The following MEGF10 variants were observed in gnomAD, a reference collection of about 807,000 sequenced individuals.
MEGF10 encodes the protein multiple EGF like domains 10.
Under a neutral mutation model 147.5 loss-of-function variants are expected in MEGF10, and 86 were observed. That is an observed-to-expected ratio of 0.58 (90% CI 0.49 to 0.70). The LOEUF (loss-of-function observed/expected upper bound fraction) is 0.70, where lower values mean the gene tolerates loss of function less well. Ranked by LOEUF, MEGF10 falls within the 30% of genes least tolerant of loss-of-function variation. MEGF10 has a pLI of 0.00. For missense variants in MEGF10, 1,329 were observed against 1,487.3 expected (o/e 0.89, Z 1.75); for synonymous variants, 478 against 525.5 (o/e 0.91, Z 1.24).
intron 1 of MEGF10, among the ~76,000 whole-genome samples, chr5:127,316,152 C>T (rs964434396): frequency 6.6e-6 from 1 of 152,210 alleles, no homozygotes; most frequent in Non-Finnish European, 1.5e-5. Context: ...TTTGCTCTGC[C>T]TCCTTATCTT....
the MEGF10 span, among the ~76,000 whole-genome samples, chr5:127,238,830 T>TC: frequency 9.1e-3 from 1,379 of 152,296 alleles, 29 homozygotes; most frequent in African/African-American, 0.032. Flanking sequence ...TTAAGATGGC[T>TC]CATGAGGAAA....
At chr5:127,389,231 A>G (rs573601398) in intron 5 of MEGF10, among the ~76,000 whole-genome samples, 1 of 152,338 alleles carries the variant, frequency 6.6e-6, no homozygotes, top group East Asian at 1.9e-4. Flanking sequence ...GACTAGAAAT[A>G]GCTGTAATCC....
upstream of MEGF10, among the ~76,000 whole-genome samples, chr5:127,288,851 A>G (rs1158407696): frequency 1.3e-5 from 2 of 152,260 alleles, no homozygotes; most frequent in Non-Finnish European, 2.9e-5. Flanking sequence ...AAACTGGCAA[A>G]CAAATTGTGG....
At chr5:127,347,435 G>T (rs2126813189) in intron 4 of MEGF10, among the ~76,000 whole-genome samples, 1 of 152,112 alleles carries the variant, frequency 6.6e-6, no homozygotes, top group African/African-American at 2.4e-5. Context: ...GTATTCGAGA[G>T]ACTTCTGTGG....
At chr5:127,267,898 A>G in the MEGF10 span, among the ~76,000 whole-genome samples, 1 of 151,960 alleles carries the variant, frequency 6.6e-6, no homozygotes, top group Non-Finnish European at 1.5e-5. Context: ...TTTTTGAAGG[A>G]TTTTTTATGT....
chr5:127,296,328 A>G (rs968731713), intron 1 of MEGF10, among the ~76,000 whole-genome samples: 6 of 152,162 alleles, frequency 3.9e-5, no homozygotes, highest in Admixed American at 6.5e-5. Flanking sequence ...ATTTCTAGTG[A>G]TTTCCTCTCT....
At chr5:127,393,090 A>C (rs1763766272) in intron 5 of MEGF10, among the ~76,000 whole-genome samples, 1 of 152,184 alleles carries the variant, frequency 6.6e-6, no homozygotes, top group African/African-American at 2.4e-5. Flanking sequence ...AAATTAGGAT[A>C]CTCAAGCTAT....
intron 5 of MEGF10, among the ~76,000 whole-genome samples, chr5:127,392,684 T>A (rs542027654): frequency 2.0e-5 from 3 of 152,226 alleles, no homozygotes; most frequent in Non-Finnish European, 4.4e-5. Context: ...AGCCCGTGAA[T>A]GTAACCTGGG....
intron 13 of MEGF10, chr5:127,424,312 C>T (rs112520263): frequency 8.5e-6 from 6 of 703,198 alleles, no homozygotes; most frequent in Admixed American, 2.0e-5. Context: ...AAATTGAAAT[C>T]CTTTTAAATT....
intron 2 of MEGF10, 43 bp downstream of exon 2, chr5:127,331,467 T>G (rs1216649090): frequency 1.9e-6 from 2 of 1,079,122 alleles, no homozygotes; most frequent in African/African-American, 3.1e-5. Flanking sequence ...TGCTGAGAAG[T>G]TCCCTTATAT....
In MEGF10 at chr5:127,445,543, G is replaced by GC; in HGVS notation, c.2579dup (p.Gly861ArgfsTer20). On this transcript the variant is annotated frameshift_variant, in exon 20 of 25. Coordinates refer to ENST00000503335, the MANE Select transcript of MEGF10 (RefSeq NM_001256545.2). LOFTEE classifies it high-confidence loss of function. ...TGATTCCTACCAGATCGGGGCCATTGCAGGCATCATCATTCTTGTCCTAGT... is the reference window on the plus strand; with the variant it reads ...TGATTCCTACCAGATCGGGGCCATTGCCAGGCATCATCATTCTTGTCCTAGT... 6.2e-7 allele frequency: 1 copy of GC among 1,614,072 alleles called. No homozygotes were observed.
intron 1 of MEGF10, among the ~76,000 whole-genome samples, chr5:127,316,100 G>C (rs1310706418): frequency 1.3e-5 from 2 of 152,226 alleles, no homozygotes; most frequent in Non-Finnish European, 2.9e-5. Flanking sequence ...AGACGCTTTA[G>C]TGCAACAAAA....
At chr5:127,337,650 C>A (rs17673147) in intron 2 of MEGF10, among the ~76,000 whole-genome samples, 7,398 of 152,060 alleles carry the variant, frequency 0.049, 214 homozygotes, top group Non-Finnish European at 0.067. Flanking sequence ...CTTATTTTTG[C>A]AGGTAGCAAT....
the MEGF10 span, among the ~76,000 whole-genome samples, chr5:127,231,058 G>A: frequency 2.2e-4 from 34 of 152,140 alleles, no homozygotes; most frequent in Middle Eastern, 3.4e-3. Flanking sequence ...CCTCTTACAC[G>A]GGATCCATTT....
the MEGF10 span, among the ~76,000 whole-genome samples, chr5:127,282,334 T>C: frequency 2.6e-5 from 4 of 152,246 alleles, no homozygotes; most frequent in East Asian, 7.7e-4. Context: ...GAATAGGGGT[T>C]GGGGTAGCTG....
chr5:127,455,554 C>T lies in MEGF10; in HGVS notation c.3179C>T (p.Pro1060Leu), dbSNP rs747619139. 5 of 1,614,110 alleles carry T rather than the reference C, an allele frequency of 3.1e-6. No individual in the cohort carries two copies. Among genetic ancestry groups the T allele is most frequent in the South Asian group, 2.2e-5 (2 of 91,078 alleles). ...EMKSPARRDS[P>L]YAEINNSTSA... Reference sequence around the variant, plus strand: ...AAATCGCCGGCACGAAGAGATTCCCCATATGCAGAGATCAATAACTCAACT... The same window carrying T: ...AAATCGCCGGCACGAAGAGATTCCCTATATGCAGAGATCAATAACTCAACT... The change falls in exon 24 of 25, where the codon CCA (proline) becomes CTA (leucine). Residue 1060 changes from proline to leucine, a missense_variant. Physicochemically the swap from Pro to Leu is moderately conservative, Grantham distance 98. Coordinates refer to ENST00000503335, the MANE Select transcript of MEGF10 (RefSeq NM_001256545.2).
chr5:127,329,181 A>G (rs1207597736), intron 1 of MEGF10, among the ~76,000 whole-genome samples: 2 of 152,192 alleles, frequency 1.3e-5, no homozygotes, highest in African/African-American at 2.4e-5. Context: ...CAACTTCATG[A>G]TGCATGTGAG....
At chr5:127,229,875 G>A in the MEGF10 span, 1 of 152,154 alleles carries the variant, frequency 6.6e-6, no homozygotes, top group Non-Finnish European at 1.5e-5. Flanking sequence ...TTTCGGGCTG[G>A]ACCTCGAGAA....
chr5:127,457,315 A>T lies in MEGF10; in HGVS notation c.3420A>T (p.Glu1140Asp). 4 of 1,612,934 alleles carry T rather than the reference A, an allele frequency of 2.5e-6. No homozygotes were observed. Among genetic ancestry groups the T allele is most frequent in the Non-Finnish European group, 3.4e-6 (4 of 1,179,768 alleles). The change falls in exon 25 of 25, where the codon GAA becomes GAT. Residue 1140 changes from glutamate (E) to aspartate (D), a missense_variant. This residue lies in a region of MEGF10 where 343 missense variants were observed against 377.9 expected (regional missense o/e 0.91). Transcript: ENST00000503335. ...GSSSNSSSSS[E>D] ...GCAGCAACAGCAGCAGCAGCAGTGA[A>T]TGACACCAAAGGACCGCTTGGTAGC...
Sources: allele counts gnomAD v4.1 joint callset (sites outside exome capture counted in the v4.1 genomes callset), GRCh38; gene constraint gnomAD v4.1.1; regional missense constraint gnomAD v4.1.1; transcripts MANE v1.5; gene names NCBI Gene and HGNC (gene_info 2026-07-23, HGNC 2026-07-21).